REXO2: variants seen among roughly 807,000 people sequenced by gnomAD.
The protein encoded by REXO2 is oligoribonuclease, mitochondrial.
In REXO2, 17 loss-of-function variants were observed where a neutral mutation model predicts 30.9. That is an observed-to-expected ratio of 0.55 (90% CI 0.38 to 0.82). REXO2 has a LOEUF of 0.82. REXO2 is among the 40% of genes least tolerant of loss of function. The probability of loss-of-function intolerance (pLI) is 0.00; values close to 1 mark genes in which losing one functional copy is unlikely to be tolerated. For missense variants in REXO2, 253 were observed against 293.2 expected, an observed-to-expected ratio of 0.86 and a Z score of 1.00; for synonymous variants, 105 against 99.6, an observed-to-expected ratio of 1.05 and a Z score of -0.32.
At chr11:114,444,749 C>A in intron 4 of REXO2, 97 bp downstream of exon 4, 1 of 630,676 alleles carries the variant, frequency 1.6e-6, no homozygotes, top group Non-Finnish European at 2.5e-6. Flanking sequence ...TCCATGTCTT[C>A]CACTTAACCC....
chr11:114,447,891 T>TTC lies in REXO2; in HGVS notation c.584+14_584+15dup, dbSNP rs1190717147. 6.2e-7 allele frequency: 1 copy of TTC among 1,611,548 alleles called. No individual in the cohort carries two copies. ...GCTGCTTCTCATAGGTAAGTTTGAGTTCTACCAAGCGTTTTCCAGTCTGAC... is the reference window on the plus strand; with the variant it reads ...GCTGCTTCTCATAGGTAAGTTTGAGTTCTCTACCAAGCGTTTTCCAGTCTGAC... On this transcript the variant is annotated intron_variant, in intron 6 of 6. Transcript: ENST00000265881.
intron 5 of REXO2, among the ~76,000 whole-genome samples, chr11:114,447,165 A>C (rs1167423401): frequency 2.0e-5 from 3 of 152,022 alleles, no homozygotes; most frequent in African/African-American, 4.8e-5. Flanking sequence ...TGACCTCGTG[A>C]TCCGCCTGCC....
intron 2 of REXO2, chr11:114,440,999 G>T: frequency 3.0e-6 from 1 of 337,764 alleles, no homozygotes; most frequent in Non-Finnish European, 5.4e-6. Context: ...TTTACTGAGC[G>T]CTTACTGTAT....
chr11:114,439,556 C>G lies in REXO2; in HGVS notation c.28C>G (p.Leu10Val). MLGGSLGSR[L>V]LRGVGGSHGR... is the part of the protein sequence containing the mutation. ...GCTAGGCGGCTCCCTGGGCTCCAGG[C>G]TGTTGCGGGGTGTAGGTGGGAGTCA... The change falls in exon 1 of 7, where the codon CTG (leucine) becomes GTG (valine). Residue 10 changes from leucine (L) to valine (V), a missense_variant. Physicochemically the swap from Leu to Val is conservative, Grantham distance 32. Transcript: ENST00000265881. The G allele has an allele frequency of 6.2e-7, 1 of 1,609,086 alleles. No homozygotes were observed. The highest frequency in any genetic ancestry group is 8.5e-7 in the Non-Finnish European group (1 of 1,179,526).
intron 6 of REXO2, 137 bp from the exon 7 acceptor site, chr11:114,449,709 A>C: frequency 1.3e-6 from 1 of 765,372 alleles, no homozygotes; most frequent in Non-Finnish European, 2.0e-6. Context: ...GAAATGTTCT[A>C]CTTTTGATGA....
chr11:114,441,527 A>G (rs542664547), intron 2 of REXO2, among the ~76,000 whole-genome samples: 1 of 152,354 alleles, frequency 6.6e-6, no homozygotes, highest in South Asian at 2.1e-4. Context: ...ATGTGACACC[A>G]TCTGGTAGGG....
At chr11:114,447,151 C>T (rs1185696412) in intron 5 of REXO2, among the ~76,000 whole-genome samples, 1 of 152,032 alleles carries the variant, frequency 6.6e-6, no homozygotes, top group African/African-American at 2.4e-5. Flanking sequence ...TGGTCTCGAT[C>T]TCCTGACCTC....
intron 3 of REXO2, chr11:114,444,291 G>A: frequency 3.2e-6 from 2 of 625,228 alleles, no homozygotes; most frequent in South Asian, 1.6e-5. Flanking sequence ...TAATATCCTT[G>A]GACTTTGAAC....
chr11:114,444,873 A>T (rs1023440126), intron 4 of REXO2, among the ~76,000 whole-genome samples: 14 of 152,156 alleles, frequency 9.2e-5, no homozygotes, highest in African/African-American at 2.4e-4. Flanking sequence ...ACACAAACTT[A>T]CTCAATAAGA....
chr11:114,444,012 A>C, intron 3 of REXO2, 79 bp downstream of exon 3: 1 of 947,334 alleles, frequency 1.1e-6, no homozygotes, highest in Non-Finnish European at 1.7e-6. Flanking sequence ...ATCCGATACC[A>C]TTGTTGGATG....
intron 5 of REXO2, among the ~76,000 whole-genome samples, chr11:114,446,964 A>T (rs1232006354): frequency 9.2e-6 from 1 of 108,744 alleles, no homozygotes. Flanking sequence ...TTTGAGACGG[A>T]GTCTCGTTCT....
intron 6 of REXO2, among the ~76,000 whole-genome samples, chr11:114,448,306 A>C (rs571770715): frequency 1.3e-5 from 2 of 152,308 alleles, no homozygotes; most frequent in South Asian, 2.1e-4. Context: ...CCTTAGGTAC[A>C]AGTAGACAAG....
intron 2 of REXO2, chr11:114,441,721 A>G (rs781111592): frequency 1.6e-5 from 11 of 702,114 alleles, no homozygotes; most frequent in Admixed American, 1.0e-4. Flanking sequence ...TGCAGTTAAC[A>G]CTTTTGTTTG....
intron 3 of REXO2, 39 bp from the exon 4 acceptor site, chr11:114,444,502 A>G (rs1946500114): frequency 2.1e-6 from 3 of 1,427,192 alleles, no homozygotes; most frequent in African/African-American, 1.4e-5. Flanking sequence ...CTGACTTTAC[A>G]TGTGTTTTTG....
At chr11:114,441,817 A>G (rs770237510) in intron 2 of REXO2, 9 of 701,132 alleles carry the variant, frequency 1.3e-5, no homozygotes, top group African/African-American at 5.2e-5. Context: ...CTCCCCACAT[A>G]TCAACTGTAG....
chr11:114,439,796 G>A, intron 1 of REXO2, 121 bp downstream of exon 1: 1 of 1,242,966 alleles, frequency 8.0e-7, no homozygotes, highest in Non-Finnish European at 1.1e-6. Flanking sequence ...AGGTGAGCGC[G>A]GCCGGCCACG....
At chr11:114,440,796 A>G in intron 2 of REXO2, 57 bp downstream of exon 2, 2 of 1,287,482 alleles carry the variant, frequency 1.6e-6, no homozygotes, top group Non-Finnish European at 2.2e-6. Context: ...AAATATAACC[A>G]TCATTTTTTC....
intron 6 of REXO2, 52 bp downstream of exon 6, chr11:114,447,931 C>T (rs542602902): frequency 2.9e-6 from 4 of 1,390,888 alleles, no homozygotes; most frequent in East Asian, 2.3e-5. Context: ...ACTTAACTCC[C>T]AAATTCCTGA....
intron 3 of REXO2, chr11:114,444,198 A>T: frequency 1.6e-6 from 1 of 612,786 alleles, no homozygotes; most frequent in Non-Finnish European, 3.0e-6. Flanking sequence ...TACTCAAGTC[A>T]GTCTTTTGGA....
Sources: gnomAD v4.1 joint callset for allele counts (sites outside exome capture counted in the v4.1 genomes callset) on GRCh38, gnomAD v4.1.1 for gene constraint, MANE v1.5 for transcripts, NCBI Gene and HGNC (gene_info 2026-07-23, HGNC 2026-07-21) for gene names.